Variants in CCDC30 observed in about 807,000 individuals in gnomAD.
The protein encoded by CCDC30 is coiled-coil domain-containing protein 30.
In CCDC30, 70 loss-of-function variants were observed where a neutral mutation model predicts 100.2. That is an observed-to-expected ratio of 0.70 (90% CI 0.58 to 0.85). The LOEUF is 0.85. Among genes scored for constraint, CCDC30 ranks in the 40% least tolerant of loss-of-function variants. CCDC30 has a pLI of 0.00. For synonymous variants in CCDC30, 233 were observed against 269.5 expected (o/e 0.86, Z 1.33); for missense variants, 652 against 771.2 (o/e 0.85, Z 1.83).
intron 6 of CCDC30, among the ~76,000 whole-genome samples, chr1:42,561,956 A>G (rs1312202520): frequency 6.6e-6 from 1 of 152,208 alleles, no homozygotes; most frequent in Non-Finnish European, 1.5e-5. Context: ...AGAGGACACA[A>G]ACAAATGGAA....
At chr1:42,618,229 CTTT>C (rs563022326) in intron 11 of CCDC30, among the ~76,000 whole-genome samples, 1 of 90,462 alleles carries the variant, frequency 1.1e-5, no homozygotes, top group African/African-American at 4.5e-5. Context: ...CCAGTGATAT[CTTT>C]TTTTTTTTTT....
downstream of CCDC30, among the ~76,000 whole-genome samples, chr1:42,655,517 A>G (rs536839019): frequency 4.1e-4 from 63 of 152,300 alleles, no homozygotes; most frequent in African/African-American, 1.5e-3. Flanking sequence ...AGTGCACTCC[A>G]GCCTGGGTGA....
chr1:42,594,971 G>A (rs994772044), intron 10 of CCDC30: 2 of 150,372 alleles, frequency 1.3e-5, no homozygotes, highest in Non-Finnish European at 2.9e-5. Flanking sequence ...ATGAAGTGTT[G>A]TCACCTGGCC....
intron 10 of CCDC30, among the ~76,000 whole-genome samples, chr1:42,599,490 G>A (rs1223518669): frequency 1.3e-5 from 2 of 152,030 alleles, no homozygotes; most frequent in Admixed American, 1.3e-4. Flanking sequence ...AAGCATGGAA[G>A]ACAAAAATAG....
chr1:42,600,488 A>G (rs939371515), intron 10 of CCDC30, among the ~76,000 whole-genome samples: 12 of 152,172 alleles, frequency 7.9e-5, no homozygotes, highest in Non-Finnish European at 1.8e-4. Flanking sequence ...CAACAACAGC[A>G]GATTACACAT....
chr1:42,499,990 A>G (rs1370575301), intron 6 of CCDC30, among the ~76,000 whole-genome samples: 1 of 152,194 alleles, frequency 6.6e-6, no homozygotes, highest in Non-Finnish European at 1.5e-5. Context: ...CTTAACCAAC[A>G]TGCAAGTTCT....
chr1:42,510,262 C>T, intron 6 of CCDC30: 1 of 377,474 alleles, frequency 2.6e-6, no homozygotes, highest in African/African-American at 2.2e-5. Context: ...TTGCTCATCT[C>T]CAAATTTCTC....
At chr1:42,514,699 G>T (rs748899769) in intron 6 of CCDC30, among the ~76,000 whole-genome samples, 1 of 152,164 alleles carries the variant, frequency 6.6e-6, no homozygotes, top group Non-Finnish European at 1.5e-5. Context: ...TGTCGCCCAG[G>T]CTGGAGTGCA....
chr1:42,578,545 A>G (rs1020614675), intron 8 of CCDC30, among the ~76,000 whole-genome samples: 1 of 152,202 alleles, frequency 6.6e-6, no homozygotes, highest in Non-Finnish European at 1.5e-5. Context: ...ATTAAAAAGT[A>G]ATTGGTAAAA....
chr1:42,463,621 C>G (rs1282986247), exon 1 of CCDC30: 4 of 152,146 alleles, frequency 2.6e-5, no homozygotes, highest in Non-Finnish European at 5.9e-5. Context: ...TAGGCTGCCG[C>G]TTATTATTAG....
chr1:42,589,223 C>CAAAA, intron 9 of CCDC30, 98 bp from the exon 14 acceptor site: 1 of 809,784 alleles, frequency 1.2e-6, no homozygotes, highest in Non-Finnish European at 1.8e-6. Context: ...TTCATTGAAC[C>CAAAA]AAAAAAAAAA....
intron 11 of CCDC30, among the ~76,000 whole-genome samples, chr1:42,612,893 TA>T (rs1646652731): frequency 6.6e-6 from 1 of 152,252 alleles, no homozygotes; most frequent in Non-Finnish European, 1.5e-5. Flanking sequence ...GATGGTTGAA[TA>T]TTTTTATTCA....
chr1:42,629,424 G>C (rs1009607560), intron 11 of CCDC30, among the ~76,000 whole-genome samples: 1 of 152,076 alleles, frequency 6.6e-6, no homozygotes, highest in South Asian at 2.1e-4. Flanking sequence ...TATGTAATTT[G>C]TTTCTTTTCT....
chr1:42,644,659 C>A (rs1557491255), intron 13 of CCDC30, 34 bp from the exon 18 acceptor site: 1 of 1,309,304 alleles, frequency 7.6e-7, no homozygotes, highest in East Asian at 2.3e-5. Context: ...ATACAGAAAT[C>A]TCTAATCATG....
intron 11 of CCDC30, among the ~76,000 whole-genome samples, chr1:42,618,845 C>T (rs893706724): frequency 2.0e-5 from 3 of 152,094 alleles, no homozygotes; most frequent in South Asian, 2.1e-4. Context: ...TAAGAAAGAA[C>T]GACGGGAAGG....
chr1:42,551,448 A>G (rs532203086), intron 6 of CCDC30, among the ~76,000 whole-genome samples: 7 of 152,246 alleles, frequency 4.6e-5, no homozygotes, highest in Non-Finnish European at 1.0e-4. Context: ...CCTTTCAGTT[A>G]AAAATTAAGA....
At chr1:42,558,035 A>G (rs1175414580) in intron 6 of CCDC30, 3 of 195,572 alleles carry the variant, frequency 1.5e-5, no homozygotes, top group Non-Finnish European at 3.3e-5. Flanking sequence ...CCAGGATTAT[A>G]TGGTGGGAAA....
At chr1:42,489,176 C>T (rs1408519202) in intron 3 of CCDC30, among the ~76,000 whole-genome samples, 1 of 152,134 alleles carries the variant, frequency 6.6e-6, no homozygotes, top group Non-Finnish European at 1.5e-5. Context: ...ATCTTTGGCT[C>T]AGTGTAAACA....
At chr1:42,482,874 C>A in intron 3 of CCDC30, 58 bp downstream of exon 3, 2 of 1,081,224 alleles carry the variant, frequency 1.8e-6, no homozygotes, top group Non-Finnish European at 2.4e-6. Context: ...CTGATCTCAT[C>A]TCAGGGTGGA....
Sources: allele counts gnomAD v4.1 joint callset (sites outside exome capture counted in the v4.1 genomes callset), GRCh38; gene constraint gnomAD v4.1.1; transcripts MANE v1.5; gene names NCBI Gene and HGNC (gene_info 2026-07-23, HGNC 2026-07-21).